The following DNAI4 variants were observed in gnomAD, a reference collection of about 807,000 sequenced individuals.
The protein encoded by DNAI4 is dynein axonemal intermediate chain 4.
Under a neutral mutation model 105.8 loss-of-function variants are expected in DNAI4, and 85 were observed. That is an observed-to-expected ratio of 0.80 (90% confidence interval 0.67 to 0.96). DNAI4 has a LOEUF of 0.96. Ranked by LOEUF, DNAI4 falls within the 40% of genes least tolerant of loss-of-function variation. The pLI, the probability that DNAI4 is intolerant of heterozygous loss-of-function variation, is 0.00. For synonymous variants in DNAI4, 352 were observed against 331.5 expected, an observed-to-expected ratio of 1.06 and a Z score of -0.67; for missense variants, 1,014 against 1,005.6, an observed-to-expected ratio of 1.01 and a Z score of -0.11.
intron 4 of DNAI4, among the ~76,000 whole-genome samples, chr1:66,877,324 T>C (rs1646978460): frequency 6.6e-6 from 1 of 152,162 alleles, no homozygotes; most frequent in African/African-American, 2.4e-5. Context: ...GGCCCCTACC[T>C]TGCAATTAAA....
intron 1 of DNAI4, among the ~76,000 whole-genome samples, chr1:66,910,498 T>C (rs1649575895): frequency 1.3e-5 from 2 of 152,208 alleles, no homozygotes; most frequent in Admixed American, 1.3e-4. Context: ...CTCTTTCTCA[T>C]ACAGGTACAT....
chr1:66,813,648 A>C lies in DNAI4; in HGVS notation c.*482T>G, dbSNP rs1312161794. On this transcript the variant is annotated 3_prime_UTR_variant, in exon 17 of 17. Transcript: ENST00000371026. ...CGGCTCTTAGATCTAAGAGGATAAAATGTTAGGTACAAGAATCCATTATTT... is the reference window on the plus strand; with the variant it reads ...CGGCTCTTAGATCTAAGAGGATAAACTGTTAGGTACAAGAATCCATTATTT... 6.6e-6 allele frequency: 1 copy of C among 152,474 alleles called. No individual in the cohort carries two copies. The allele number at this position is 152,474 out of a possible 1,614,324, so 9.4% of individuals were successfully genotyped here.
chr1:66,845,216 T>TAAAAAAAAAAAAAAAAAAAAAAAAAAAAA (rs1557918757), intron 8 of DNAI4, among the ~76,000 whole-genome samples: 2 of 21,100 alleles, frequency 9.5e-5, no homozygotes, highest in Non-Finnish European at 2.2e-4. Context: ...AAAAGAAAAA[T>TAAAAAAAAAAAAAAAAAAAAAAAAAAAAA]TAAAAAAAAA....
intron 7 of DNAI4, among the ~76,000 whole-genome samples, chr1:66,858,230 G>A (rs1286454465): frequency 6.6e-6 from 1 of 151,850 alleles, no homozygotes; most frequent in Non-Finnish European, 1.5e-5. Flanking sequence ...TATCTCACAT[G>A]AAAGTAATGC....
intron 14 of DNAI4, among the ~76,000 whole-genome samples, chr1:66,827,393 G>A (rs1645777448): frequency 6.6e-6 from 1 of 152,118 alleles, no homozygotes; most frequent in Non-Finnish European, 1.5e-5. Context: ...GTGTTTGCCT[G>A]TAGTCCCAGC....
At chr1:66,846,838 A>G (rs1371791383) in intron 8 of DNAI4, among the ~76,000 whole-genome samples, 1 of 152,192 alleles carries the variant, frequency 6.6e-6, no homozygotes, top group African/African-American at 2.4e-5. Flanking sequence ...TCATTCATGT[A>G]TTTTTTAATA....
chr1:66,851,790 AG>A (rs1432647914), intron 7 of DNAI4, among the ~76,000 whole-genome samples: 8 of 152,038 alleles, frequency 5.3e-5, no homozygotes, highest in African/African-American at 1.7e-4. Flanking sequence ...CAGCACTGAG[AG>A]GAAAATTTAC....
intron 6 of DNAI4, among the ~76,000 whole-genome samples, chr1:66,868,852 C>A (rs563227599): frequency 5.3e-5 from 8 of 151,800 alleles, no homozygotes; most frequent in South Asian, 2.1e-4. Context: ...CCGAGGTGGG[C>A]AGATCATGGG....
chr1:66,903,496 C>T (rs1648997347), intron 2 of DNAI4, among the ~76,000 whole-genome samples: 1 of 151,854 alleles, frequency 6.6e-6, no homozygotes, highest in Non-Finnish European at 1.5e-5. Context: ...GATCTGGGTG[C>T]CTTTTATTTA....
intron 2 of DNAI4, among the ~76,000 whole-genome samples, chr1:66,895,495 A>T (rs1248181373): frequency 6.6e-6 from 1 of 152,248 alleles, no homozygotes; most frequent in Non-Finnish European, 1.5e-5. Flanking sequence ...AAATAAAAAA[A>T]ATCTAATTTT....
intron 1 of DNAI4, among the ~76,000 whole-genome samples, chr1:66,922,705 A>G (rs1650582986): frequency 1.3e-5 from 2 of 152,214 alleles, no homozygotes; most frequent in Admixed American, 1.3e-4. Context: ...TATAAGATAG[A>G]AGTCAAGGGT....
intron 7 of DNAI4, among the ~76,000 whole-genome samples, chr1:66,861,258 A>G (rs1646619620): frequency 2.0e-5 from 3 of 152,174 alleles, no homozygotes; most frequent in Non-Finnish European, 4.4e-5. Context: ...AAATTAGTGA[A>G]AGTAGGAACA....
chr1:66,909,336 A>T (rs979564279), intron 1 of DNAI4, among the ~76,000 whole-genome samples: 1 of 129,492 alleles, frequency 7.7e-6, no homozygotes, highest in Non-Finnish European at 1.7e-5. Flanking sequence ...TCTCTTGAAT[A>T]GAGTCTGATC....
At chr1:66,866,637 T>A (rs1482380854) in intron 6 of DNAI4, among the ~76,000 whole-genome samples, 2 of 152,212 alleles carry the variant, frequency 1.3e-5, no homozygotes, top group South Asian at 2.1e-4. Flanking sequence ...GTTGAGCACA[T>A]CCTTGACTTC....
chr1:66,921,447 G>A (rs1045180502), intron 1 of DNAI4: 1 of 152,208 alleles, frequency 6.6e-6, no homozygotes, highest in South Asian at 2.1e-4. Context: ...CAAACCAAAA[G>A]GTTGTAAACT....
Position 66,871,380 on chromosome 1 carries a change from C to T in DNAI4, c.930G>A (p.Met310Ile), listed in dbSNP as rs1646842165. The T allele has an allele frequency of 6.2e-7, 1 of 1,604,810 alleles. No individual in the cohort carries two copies. Among genetic ancestry groups the T allele is most frequent in the African/African-American group, 1.3e-5 (1 of 74,636 alleles). The change falls in exon 6 of 17, where the codon ATG (methionine) becomes ATA (isoleucine). Residue 310 changes from methionine to isoleucine, a missense_variant. By Grantham distance (10) the Met-to-Ile change is conservative. Coordinates refer to ENST00000371026, the MANE Select transcript of DNAI4 (RefSeq NM_024763.5). The part of the protein sequence containing the change: ...NKDVQCDKII[M>I]EDKGIMSTAW... ...AATGATAGAAATTACCTTTATCTTCCATTATGATTTTATCACATTGAACAT... is the reference window on the plus strand; with the variant it reads ...AATGATAGAAATTACCTTTATCTTCTATTATGATTTTATCACATTGAACAT...
chr1:66,874,664 C>T, intron 5 of DNAI4, 117 bp downstream of exon 5: 1 of 943,600 alleles, frequency 1.1e-6, no homozygotes, highest in Non-Finnish European at 1.5e-6. Context: ...AGTCTCCCCC[C>T]AAACCCCATA....
intron 14 of DNAI4, among the ~76,000 whole-genome samples, chr1:66,827,296 G>A (rs944043753): frequency 1.3e-5 from 2 of 151,770 alleles, no homozygotes; most frequent in Non-Finnish European, 2.9e-5. Flanking sequence ...AAAAAATAAA[G>A]AGTATTAAGA....
chr1:66,898,240 T>A (rs951658777), intron 2 of DNAI4, among the ~76,000 whole-genome samples: 1 of 152,180 alleles, frequency 6.6e-6, no homozygotes, highest in Non-Finnish European at 1.5e-5. Context: ...AATAGTTTGT[T>A]TTGATTTCAC....
Sources: gnomAD v4.1 joint callset for allele counts (sites outside exome capture counted in the v4.1 genomes callset) on GRCh38, gnomAD v4.1.1 for gene constraint, MANE v1.5 for transcripts, NCBI Gene and HGNC (gene_info 2026-07-23, HGNC 2026-07-21) for gene names.